The following PDE2A variants were observed in gnomAD, a reference collection of about 807,000 sequenced individuals.
The protein encoded by PDE2A is phosphodiesterase 2A, also known as cGMP-dependent 3',5'-cyclic phosphodiesterase.
Under a neutral mutation model 133.6 loss-of-function variants are expected in PDE2A, and 53 were observed. The observed-to-expected ratio is 0.40, with a 90% CI of 0.32 to 0.50. PDE2A has a LOEUF of 0.50. Ranked by LOEUF, PDE2A falls within the 20% of genes least tolerant of loss-of-function variation. The probability of loss-of-function intolerance (pLI) is 0.73; values close to 1 mark genes in which losing one functional copy is unlikely to be tolerated. For missense variants in PDE2A, 796 were observed against 1,232.4 expected, an observed-to-expected ratio of 0.65 and a Z score of 5.30; for synonymous variants, 491 against 490.2, an observed-to-expected ratio of 1.00 and a Z score of -0.02.
At chr11:72,594,042 T>G (rs1856369594) in intron 6 of PDE2A, among the ~76,000 whole-genome samples, 1 of 152,238 alleles carries the variant, frequency 6.6e-6, no homozygotes, top group African/African-American at 2.4e-5. Context: ...ACTTTAGTGC[T>G]TCTCACCACC....
In PDE2A at chr11:72,578,466, C is replaced by G; in HGVS notation, c.2508+10G>C. Reference sequence around the variant, plus strand: ...CCATCCTGGACATCCTGGGGTCACTCCACACATACCAGGTCTCCCTGGGAG... The same window carrying G: ...CCATCCTGGACATCCTGGGGTCACTGCACACATACCAGGTCTCCCTGGGAG... On this transcript the variant is annotated intron_variant, in intron 29 of 30. Coordinates refer to ENST00000334456, the MANE Select transcript of PDE2A (RefSeq NM_002599.5). This position sits in a 1 kb window ranked among gnomAD's most constrained non-coding sequence, Gnocchi z 4.2. 3.1e-6 allele frequency: 5 copies of G among 1,612,526 alleles called. No individual in the cohort carries two copies. The highest frequency in any genetic ancestry group is 2.2e-5 in the South Asian group (2 of 91,022).
At chr11:72,656,616 G>A (rs1444949734) in intron 1 of PDE2A, among the ~76,000 whole-genome samples, 3 of 151,988 alleles carry the variant, frequency 2.0e-5, no homozygotes, top group East Asian at 3.9e-4. Context: ...AAGGACTATC[G>A]GCATAGCCCT....
chr11:72,659,024 C>T (rs1478145270), intron 1 of PDE2A, among the ~76,000 whole-genome samples: 1 of 152,028 alleles, frequency 6.6e-6, no homozygotes, highest in Non-Finnish European at 1.5e-5. Context: ...ACATTTTAAC[C>T]CACTCAATCC....
At chr11:72,608,089 A>G (rs1224765437) in intron 3 of PDE2A, among the ~76,000 whole-genome samples, 1 of 152,128 alleles carries the variant, frequency 6.6e-6, no homozygotes, top group Admixed American at 6.5e-5. Flanking sequence ...TCAGGCAACC[A>G]TGATCACCCC....
intron 2 of PDE2A, among the ~76,000 whole-genome samples, chr11:72,630,827 G>C (rs551532743): frequency 6.6e-6 from 1 of 152,016 alleles, no homozygotes; most frequent in Admixed American, 6.5e-5. Context: ...GGGAGGACAA[G>C]GGAGGAGTCT....
At chr11:72,642,402 G>C in intron 1 of PDE2A, 76 bp from the exon 2 acceptor site, 1 of 1,284,310 alleles carries the variant, frequency 7.8e-7, no homozygotes, top group East Asian at 3.2e-5. Context: ...CCCGCCCGCC[G>C]GCCCGGCCGC....
intron 2 of PDE2A, among the ~76,000 whole-genome samples, chr11:72,611,903 A>G (rs1015687465): frequency 1.3e-5 from 2 of 152,162 alleles, no homozygotes; most frequent in Non-Finnish European, 2.9e-5. Context: ...GGGAGGAAAT[A>G]GCTCAAATTG....
intron 3 of PDE2A, among the ~76,000 whole-genome samples, chr11:72,606,725 T>C (rs1265134129): frequency 6.6e-6 from 1 of 152,084 alleles, no homozygotes; most frequent in Non-Finnish European, 1.5e-5. Flanking sequence ...CTGAGTTATT[T>C]GGCCCAAAGA....
Position 72,578,557 on chromosome 11 carries a change from ATCC to A in PDE2A, c.2470-46_2470-44del. On this transcript the variant is annotated intron_variant, in intron 28 of 30. Coordinates refer to ENST00000334456, the MANE Select transcript of PDE2A (RefSeq NM_002599.5). This position sits in a 1 kb window ranked among gnomAD's most constrained non-coding sequence, Gnocchi z 4.2. ...TCATCACATCCTCTATGTAGGATACATCCACCCAAGCTCCTCTGACAGCCCGTT... is the reference window on the plus strand; with the variant it reads ...TCATCACATCCTCTATGTAGGATACAACCCAAGCTCCTCTGACAGCCCGTT... 6.5e-7 allele frequency: 1 copy of A among 1,535,858 alleles called. No homozygotes were observed. Among genetic ancestry groups the A allele is most frequent in the East Asian group, 2.2e-5 (1 of 44,524 alleles).
chr11:72,662,609 G>T (rs1473107298), intron 1 of PDE2A, among the ~76,000 whole-genome samples: 3 of 152,202 alleles, frequency 2.0e-5, no homozygotes, highest in South Asian at 2.1e-4. Flanking sequence ...GCATGAGGCA[G>T]GGAGGGATGT....
At chr11:72,656,975 C>G (rs924468204) in intron 1 of PDE2A, among the ~76,000 whole-genome samples, 1 of 152,186 alleles carries the variant, frequency 6.6e-6, no homozygotes, top group Admixed American at 6.5e-5. Flanking sequence ...CTTCTCGAGC[C>G]TCGATTCCTC....
At chr11:72,666,380 A>G (rs1842204217) in intron 1 of PDE2A, among the ~76,000 whole-genome samples, 1 of 152,060 alleles carries the variant, frequency 6.6e-6, no homozygotes, top group Admixed American at 6.6e-5. Flanking sequence ...TTTAAGTGTG[A>G]CCATTAAGAG....
At chr11:72,665,183 C>T (rs1255659532) in intron 1 of PDE2A, among the ~76,000 whole-genome samples, 2 of 152,080 alleles carry the variant, frequency 1.3e-5, no homozygotes, top group Non-Finnish European at 2.9e-5. Context: ...CTCTCCTTTT[C>T]TACCCCAATT....
rs777721541 is a variant in PDE2A at position 72,586,151 on chromosome 11, C to T, written c.1101G>A (p.Gln367=). The T allele has an allele frequency of 9.9e-6, 16 of 1,612,782 alleles. No individual in the cohort carries two copies. The highest frequency in any genetic ancestry group is 1.4e-5 in the Non-Finnish European group (16 of 1,179,284). Residue 367 remains glutamine, a synonymous_variant, in exon 14 of 31, where the codon CAG becomes CAA. Transcript: ENST00000334456. ...CGGTGCTGGTGTAGTGGAAGCAGTG[C>T]TGGATCACATGCTCGTCCTCGTCGG... ...LFTDEDEHVI[Q]HCFHYTSTVL...
At chr11:72,606,114 C>G (rs189627678) in intron 3 of PDE2A, among the ~76,000 whole-genome samples, 80 of 152,120 alleles carry the variant, frequency 5.3e-4, no homozygotes, top group African/African-American at 1.8e-3. Flanking sequence ...GCTCTGGCCT[C>G]AGTTCCAGGC....
At chr11:72,658,171 A>AC in intron 1 of PDE2A, 1 of 454,696 alleles carries the variant, frequency 2.2e-6, no homozygotes, top group Non-Finnish European at 4.4e-6. Context: ...AGGATGCCCC[A>AC]CCCCGACTTA....
At chr11:72,608,607 TG>T in intron 3 of PDE2A, 54 bp downstream of exon 3, 1 of 848,154 alleles carries the variant, frequency 1.2e-6, no homozygotes, top group Non-Finnish European at 1.9e-6. Flanking sequence ...AGCATAGAGC[TG>T]GTCAAAGGAT....
intron 27 of PDE2A, 33 bp from the exon 28 acceptor site, chr11:72,579,042 G>T: frequency 6.8e-7 from 1 of 1,476,430 alleles, no homozygotes; most frequent in Non-Finnish European, 9.5e-7. Context: ...AAGGAGCGGG[G>T]CCCAGCCTCT....
intron 4 of PDE2A, among the ~76,000 whole-genome samples, chr11:72,602,910 C>G (rs1010340701): frequency 6.6e-6 from 1 of 152,188 alleles, no homozygotes; most frequent in African/African-American, 2.4e-5. Context: ...CCCAGCCAAC[C>G]CTGGGGCCTC....
Sources: gnomAD v4.1 joint callset for allele counts (sites outside exome capture counted in the v4.1 genomes callset) on GRCh38, gnomAD v4.1.1 for gene constraint, Gnocchi (gnomAD v3.1) non-coding constraint, MANE v1.5 for transcripts, NCBI Gene and HGNC (gene_info 2026-07-23, HGNC 2026-07-21) for gene names.